SMAD3: variants seen among roughly 807,000 people sequenced by gnomAD.
The protein encoded by SMAD3 is MAD homolog 3.
In SMAD3, 12 loss-of-function variants were observed where a neutral mutation model predicts 51.8. That is an observed-to-expected ratio of 0.23 (90% CI 0.15 to 0.38). The LOEUF is 0.38. SMAD3 is among the 10% of genes least tolerant of loss of function. The probability of loss-of-function intolerance (pLI) is 1.00; values close to 1 mark genes in which losing one functional copy is unlikely to be tolerated. For missense variants in SMAD3, 294 were observed against 565.6 expected, an observed-to-expected ratio of 0.52 and a Z score of 4.87; for synonymous variants, 238 against 227.7, an observed-to-expected ratio of 1.05 and a Z score of -0.41.
At chr15:67,082,867 T>G (rs1481068885) in intron 1 of SMAD3, among the ~76,000 whole-genome samples, 3 of 152,172 alleles carry the variant, frequency 2.0e-5, no homozygotes, top group Non-Finnish European at 4.4e-5. Context: ...GTTAATTAGT[T>G]TTTTGAGGTC....
intron 1 of SMAD3, among the ~76,000 whole-genome samples, chr15:67,114,850 C>T (rs1376697140): frequency 6.6e-6 from 1 of 152,182 alleles, no homozygotes; most frequent in Non-Finnish European, 1.5e-5. Context: ...ACAAACAGTT[C>T]CCCCTTCCCC....
rs540459058 is a variant in SMAD3, at chr15:67,150,514, C to T, written c.207-14381C>T. Among the ~76,000 whole-genome samples the T allele has an allele frequency of 1.4e-3, 212 of 152,284 alleles. 1 individual carries two copies. Among genetic ancestry groups the T allele is most frequent in the African/African-American group, 4.7e-3 (197 of 41,564 alleles). The stretch of plus-strand genomic sequence containing the variant: ...AAAGAAAGAAAGTAAATCCCACCCC[C>T]AAGCGTGCAGTCTGCCCACAGGAAG... On this transcript the variant is annotated intron_variant, in intron 1 of 8. Coordinates refer to ENST00000327367, the MANE Select transcript of SMAD3 (RefSeq NM_005902.4).
At chr15:67,085,844 A>C (rs1308446179) in intron 1 of SMAD3, among the ~76,000 whole-genome samples, 3 of 150,908 alleles carry the variant, frequency 2.0e-5, no homozygotes, top group Non-Finnish European at 4.4e-5. Context: ...GGAAAGTGAT[A>C]GTGGTTGGTC....
At chr15:67,088,772 C>T (rs528161954) in intron 1 of SMAD3, among the ~76,000 whole-genome samples, 1 of 152,082 alleles carries the variant, frequency 6.6e-6, no homozygotes, top group Admixed American at 6.5e-5. Flanking sequence ...ACTAAAAATA[C>T]AAAAATGAGC....
At chr15:67,101,724 C>G (rs551585952) in intron 1 of SMAD3, among the ~76,000 whole-genome samples, 3 of 152,302 alleles carry the variant, frequency 2.0e-5, no homozygotes, top group East Asian at 3.9e-4. Context: ...GCTACATGAC[C>G]TTAGGAAAGT....
intron 1 of SMAD3, among the ~76,000 whole-genome samples, chr15:67,119,937 T>C (rs757598273): frequency 1.3e-5 from 2 of 152,154 alleles, no homozygotes; most frequent in African/African-American, 2.4e-5. Context: ...GCTGGGATTA[T>C]AGGCACACGC....
chr15:67,082,264 G>C (rs7166537), intron 1 of SMAD3, among the ~76,000 whole-genome samples: 83,912 of 151,890 alleles, frequency 0.55, 23,400 homozygotes, highest in South Asian at 0.73. Context: ...CAGGGGGACT[G>C]TCTGGGCCTC....
Position 67,076,367 on chromosome 15 carries a change from C to T in SMAD3, c.206+10007C>T, listed in dbSNP as rs550161733. Among the ~76,000 whole-genome samples the T allele has an allele frequency of 1.8e-4, 28 of 152,322 alleles. No homozygotes were observed. The East Asian group carries it at 5.2e-3, about 28-fold the overall frequency. On this transcript the variant is annotated intron_variant, in intron 1 of 8. Transcript: ENST00000327367. Reference sequence around the variant, plus strand: ...GCGGGGGATGGGTAAGATCCTGAAGCAGAAACGCAGTGACTCACGCGCCTG... The same window carrying T: ...GCGGGGGATGGGTAAGATCCTGAAGTAGAAACGCAGTGACTCACGCGCCTG...
chr15:67,093,158 T>A (rs1388063278), intron 1 of SMAD3, among the ~76,000 whole-genome samples: 1 of 152,222 alleles, frequency 6.6e-6, no homozygotes, highest in Non-Finnish European at 1.5e-5. Context: ...GGAACCCTGG[T>A]GTCAGGACAG....
In SMAD3 at chr15:67,068,522, G is replaced by A. The variant is rs1394244975; in HGVS notation, c.206+2162G>A. Among the ~76,000 whole-genome samples the A allele has an allele frequency of 3.3e-5, 5 of 152,204 alleles. No homozygotes were observed. The East Asian group carries it at 9.6e-4, about 29-fold the overall frequency. On this transcript the variant is annotated intron_variant, in intron 1 of 8. Transcript: ENST00000327367. ...GAGACTTTGGAAGCCTAAGACGTGT[G>A]AACGCTTTGGATGATTCTGAGAGTT...
intron 1 of SMAD3, among the ~76,000 whole-genome samples, chr15:67,140,763 C>A (rs1433705929): frequency 6.6e-6 from 1 of 152,184 alleles, no homozygotes; most frequent in East Asian, 1.9e-4. Flanking sequence ...TGACGCCTTC[C>A]CCTTTGGAAG....
At chr15:67,112,100 T>C (rs1331062549) in intron 1 of SMAD3, among the ~76,000 whole-genome samples, 1 of 151,368 alleles carries the variant, frequency 6.6e-6, no homozygotes, top group East Asian at 1.9e-4. Context: ...CATTTGTATA[T>C]CTTGTTTGGA....
chr15:67,069,480 G>A (rs1311004713), intron 1 of SMAD3, among the ~76,000 whole-genome samples: 2 of 152,152 alleles, frequency 1.3e-5, no homozygotes, highest in East Asian at 3.9e-4. Flanking sequence ...GGAATAAGGA[G>A]CTCGGCACAC....
chr15:67,089,960 G>A (rs1041041688), intron 1 of SMAD3, among the ~76,000 whole-genome samples: 10 of 152,208 alleles, frequency 6.6e-5, no homozygotes, highest in African/African-American at 2.2e-4. Flanking sequence ...CAGCAGTAGT[G>A]TTGGGGTTTG....
rs751526306 is a variant in SMAD3, at chr15:67,066,217, C to A, written c.63C>A (p.Gly21=). The A allele has an allele frequency of 3.7e-6, 6 of 1,613,058 alleles. No homozygotes were observed. In the East Asian group the frequency reaches 8.9e-5, roughly 24 times the overall value. ...IVKRLLGWKK[G]EQNGQEEKWC... ...AGCGCCTGCTGGGCTGGAAGAAGGG[C>A]GAGCAGAACGGGCAGGAGGAGAAAT... is the stretch of plus-strand genomic sequence containing the variant. The change falls in exon 1 of 9, where the codon GGC becomes GGA. Residue 21 remains glycine, a synonymous_variant. Coordinates refer to ENST00000327367, the MANE Select transcript of SMAD3 (RefSeq NM_005902.4).
At chr15:67,125,367 T>C (rs1961360252) in intron 1 of SMAD3, among the ~76,000 whole-genome samples, 1 of 152,254 alleles carries the variant, frequency 6.6e-6, no homozygotes, top group Non-Finnish European at 1.5e-5. Flanking sequence ...CACGATCTTC[T>C]CTCTGGGATC....
intron 1 of SMAD3, among the ~76,000 whole-genome samples, chr15:67,113,520 G>C (rs1027410221): frequency 6.6e-6 from 1 of 152,122 alleles, no homozygotes; most frequent in African/African-American, 2.4e-5. Context: ...CAAGAAAATA[G>C]GAAAATAAGA....
At chr15:67,077,228 T>C (rs779028162) in intron 1 of SMAD3, among the ~76,000 whole-genome samples, 6 of 152,052 alleles carry the variant, frequency 3.9e-5, no homozygotes, top group Non-Finnish European at 8.8e-5. Context: ...TCTGTATGTA[T>C]GTATGTATGT....
At chr15:67,094,622 C>T (rs963070231) in intron 1 of SMAD3, among the ~76,000 whole-genome samples, 8 of 152,184 alleles carry the variant, frequency 5.3e-5, no homozygotes, top group African/African-American at 1.7e-4. Context: ...TCTAATGTGG[C>T]CAGGGCCGAG....
Sources: allele counts gnomAD v4.1 joint callset (sites outside exome capture counted in the v4.1 genomes callset), GRCh38; gene constraint gnomAD v4.1.1; transcripts MANE v1.5; gene names NCBI Gene and HGNC (gene_info 2026-07-23, HGNC 2026-07-21).